FBXW10: variants seen among roughly 807,000 people sequenced by gnomAD.
FBXW10 encodes F-box and WD repeat domain containing 10.
A neutral mutation model predicts 113.1 loss-of-function variants in FBXW10; 68 were observed. That is an observed-to-expected ratio of 0.60 (90% CI 0.49 to 0.74). FBXW10 has a LOEUF of 0.74. Among genes scored for constraint, FBXW10 ranks in the 30% least tolerant of loss-of-function variants. FBXW10 has a pLI of 0.00. For synonymous variants in FBXW10, 289 were observed against 481.6 expected (o/e 0.60, Z 5.24); for missense variants, 753 against 1,284.5 (o/e 0.59, Z 6.32).
chr17:18,748,523 G>A (rs2035093131), intron 2 of FBXW10, among the ~76,000 whole-genome samples: 1 of 151,294 alleles, frequency 6.6e-6, no homozygotes, highest in South Asian at 2.1e-4. Flanking sequence ...TGGCAGATTT[G>A]AGGAACTCAC....
chr17:18,778,739 T>A lies in FBXW10; in HGVS notation c.2600T>A (p.Val867Asp). The A allele has an allele frequency of 1.2e-6, 2 of 1,613,560 alleles. No individual in the cohort carries two copies. Among genetic ancestry groups the A allele is most frequent in the East Asian group, 2.2e-5 (1 of 44,828 alleles). Residue 867 changes from valine (V) to aspartate (D), a missense_variant, in exon 14 of 14, where the codon GTT becomes GAT. By Grantham distance (152) the Val-to-Asp change is radical. Transcript: ENST00000395665. ...NFKGKSIQRA[V>D]DRLRLSNPPI... The stretch of plus-strand genomic sequence containing the variant: ...AAAGGAAAATCAATCCAACGTGCAG[T>A]TGATCGGTTGAGATTGAGCAATCCT...
Position 18,772,475 on chromosome 17 carries a change from T to A in FBXW10, c.2070T>A (p.Tyr690Ter). The change falls in exon 12 of 14, where the codon TAT becomes TAA. Residue 690 changes from tyrosine to a stop codon, truncating the protein, a stop_gained. Transcript: ENST00000395665. LOFTEE classifies it high-confidence loss of function. ...AGTTTGAGCACATAAAGTGGCAGTATGCCGTGGAAAAAACGAAACAAAAGA... is the reference window on the plus strand; with the variant it reads ...AGTTTGAGCACATAAAGTGGCAGTAAGCCGTGGAAAAAACGAAACAAAAGA... ...MFQFEHIKWQ[Y>*]AVEKTKQKKN... 1.9e-6 allele frequency: 3 copies of A among 1,614,028 alleles called. No individual in the cohort carries two copies. Among genetic ancestry groups the A allele is most frequent in the Admixed American group, 1.7e-5 (1 of 60,012 alleles).
chr17:18,744,062 G>C lies in FBXW10; in HGVS notation c.-183G>C, dbSNP rs1415020402. 1.0e-5 allele frequency: 9 copies of C among 881,074 alleles called. No homozygotes were observed. Among genetic ancestry groups the C allele is most frequent in the South Asian group, 1.8e-5 (1 of 54,614 alleles). 54.6% of individuals were successfully genotyped at this position (881,074 alleles called of 1,614,324 possible). ...GGTCTGTACAAAAAGCCAGACTTCT[G>C]CTGGCAGTTACTGAGAGAGATAGGC... On this transcript the variant is annotated 5_prime_UTR_variant, in exon 1 of 14. Transcript: ENST00000395665.
chr17:18,769,818 C>A (rs1380218830), intron 10 of FBXW10, 109 bp from the exon 11 acceptor site: 29 of 1,154,014 alleles, frequency 2.5e-5, no homozygotes, highest in Non-Finnish European at 3.3e-5. Context: ...ATTTTGAGGC[C>A]AGTTATGGCC....
intron 5 of FBXW10, among the ~76,000 whole-genome samples, chr17:18,751,812 C>T (rs1219665221): frequency 6.6e-6 from 1 of 152,178 alleles, no homozygotes; most frequent in African/African-American, 2.4e-5. Flanking sequence ...CTCCCTCATC[C>T]CTCACTTCCA....
At chr17:18,765,068 A>G (rs2035467568) in intron 8 of FBXW10, among the ~76,000 whole-genome samples, 1 of 152,154 alleles carries the variant, frequency 6.6e-6, no homozygotes, top group Admixed American at 6.6e-5. Flanking sequence ...TACCTACAAC[A>G]AGCTACACAC....
At chr17:18,752,368 T>A (rs2035186616) in intron 5 of FBXW10, among the ~76,000 whole-genome samples, 1 of 152,196 alleles carries the variant, frequency 6.6e-6, no homozygotes. Context: ...TTGCTTTTAT[T>A]AAATGCTGGC....
intron 6 of FBXW10, among the ~76,000 whole-genome samples, chr17:18,756,698 A>G (rs967882102): frequency 3.9e-5 from 6 of 152,078 alleles, no homozygotes; most frequent in Non-Finnish European, 7.4e-5. Flanking sequence ...AAATATGACA[A>G]TCGTATTTAT....
At chr17:18,751,345 C>G (rs2035166795) in intron 5 of FBXW10, among the ~76,000 whole-genome samples, 1 of 152,050 alleles carries the variant, frequency 6.6e-6, no homozygotes, top group Admixed American at 6.6e-5. Flanking sequence ...CCTGCCTCAG[C>G]CTCCTGAGTA....
At chr17:18,772,084 G>A (rs1457552417) in intron 11 of FBXW10, among the ~76,000 whole-genome samples, 2 of 152,146 alleles carry the variant, frequency 1.3e-5, no homozygotes, top group East Asian at 3.8e-4. Flanking sequence ...TCCAGCCCGG[G>A]TGACAGAGCG....
intron 10 of FBXW10, chr17:18,769,645 C>G (rs12452278): frequency 3.1e-6 from 1 of 326,502 alleles, no homozygotes; most frequent in African/African-American, 2.1e-5. Flanking sequence ...GGTGTGGTGG[C>G]GCATCACTGT....
At chr17:18,765,384 AATG>A (rs2035475702) in intron 8 of FBXW10, among the ~76,000 whole-genome samples, 1 of 152,242 alleles carries the variant, frequency 6.6e-6, no homozygotes, top group Admixed American at 6.5e-5. Context: ...ACCGAGCAGA[AATG>A]ATTAAGCACA....
chr17:18,766,309 CTT>C (rs766966483), intron 8 of FBXW10, among the ~76,000 whole-genome samples: 1 of 132,768 alleles, frequency 7.5e-6, no homozygotes. Flanking sequence ...CCATGATTTT[CTT>C]TTTTTTTTTT....
chr17:18,744,203 T>A lies in FBXW10; in HGVS notation c.-42T>A. The A allele has an allele frequency of 1.3e-6, 2 of 1,530,342 alleles. No individual in the cohort carries two copies. The highest frequency in any genetic ancestry group is 1.8e-6 in the Non-Finnish European group (2 of 1,132,994). 94.8% of individuals were successfully genotyped at this position (1,530,342 alleles called of 1,614,324 possible). A position where few individuals can be genotyped will look rare whatever the true frequency, so the allele number is the denominator to read the frequency against. On this transcript the variant is annotated 5_prime_UTR_variant, in exon 1 of 14. Coordinates refer to ENST00000395665, the MANE Select transcript of FBXW10 (RefSeq NM_001267585.2). ...CTCTAGTGTTTGGTGGCGTTGCCGT[T>A]GCAAGTGCGCAGGGCTAAAATGGAC...
rs566422723 is a variant in FBXW10, at chr17:18,753,195, T to C, written c.1122+2142T>C. ...GGCACAGAGGGAAGTGGGGGGACAG[T>C]CTCTTGGGTAACTACCAAACTTCAC... is the stretch of plus-strand genomic sequence containing the variant. On this transcript the variant is annotated intron_variant, in intron 5 of 13. Transcript: ENST00000395665. Among the ~76,000 whole-genome samples the C allele has an allele frequency of 1.6e-4, 25 of 152,174 alleles. No individual in the cohort carries two copies. The East Asian group carries it at 4.6e-3, about 28-fold the overall frequency.
chr17:18,758,542 C>G, intron 7 of FBXW10, 37 bp downstream of exon 7: 2 of 1,612,428 alleles, frequency 1.2e-6, no homozygotes, highest in Middle Eastern at 1.7e-4. Context: ...CCTGTCCCAC[C>G]TAGGGCCTAG....
chr17:18,744,445 A>G lies in FBXW10; in HGVS notation c.201A>G (p.Leu67=), dbSNP rs757117927. The change falls in exon 1 of 14, where the codon TTA becomes TTG. Residue 67 remains leucine, a synonymous_variant. Coordinates refer to ENST00000395665, the MANE Select transcript of FBXW10 (RefSeq NM_001267585.2). The part of the protein sequence containing the change: ...LVGILKQLNS[L]YLLHYFQNIL... ...GCATTCTGAAGCAGTTAAATAGCTTATATTTGTTACACTATTTCCAAAATA... is the reference window on the plus strand; with the variant it reads ...GCATTCTGAAGCAGTTAAATAGCTTGTATTTGTTACACTATTTCCAAAATA... 4.3e-6 allele frequency: 7 copies of G among 1,613,648 alleles called. No individual in the cohort carries two copies. Among genetic ancestry groups the G allele is most frequent in the African/African-American group, 2.7e-5 (2 of 74,828 alleles).
rs1203410584 is a variant in FBXW10, at chr17:18,772,418, G to T, written c.2013G>T (p.Val671=). Residue 671 remains valine (V), a synonymous_variant, in exon 12 of 14, where the codon GTG becomes GTT. Coordinates refer to ENST00000395665, the MANE Select transcript of FBXW10 (RefSeq NM_001267585.2). The part of the protein sequence containing the change: ...LSFFIQGNRM[V]VNTESNVLMF... ...CCTGTTGTTTCGGTTCCAGGATGGT[G>T]GTCAACACAGAGAGCAATGTTCTCA... is the stretch of plus-strand genomic sequence containing the variant. 4.3e-6 allele frequency: 7 copies of T among 1,613,268 alleles called. No homozygotes were observed. In the South Asian group the frequency reaches 7.7e-5, roughly 18 times the overall value.
intron 1 of FBXW10, among the ~76,000 whole-genome samples, chr17:18,747,366 G>C (rs2035058362): frequency 6.6e-6 from 1 of 152,184 alleles, no homozygotes; most frequent in Non-Finnish European, 1.5e-5. Flanking sequence ...TTCGAGACGA[G>C]CCTGGCCAAC....
Sources: gnomAD v4.1 joint callset for allele counts (sites outside exome capture counted in the v4.1 genomes callset) on GRCh38, gnomAD v4.1.1 for gene constraint, MANE v1.5 for transcripts, NCBI Gene and HGNC (gene_info 2026-07-23, HGNC 2026-07-21) for gene names.